TXNDC9: variants seen among roughly 807,000 people sequenced by gnomAD.
TXNDC9 encodes thioredoxin domain containing 9, also known as thioredoxin domain-containing protein 9.
TXNDC9 carries 7 observed loss-of-function variants against 23.0 expected under a neutral mutation model. The observed-to-expected ratio is 0.30, with a 90% CI of 0.17 to 0.57. The LOEUF (loss-of-function observed/expected upper bound fraction) is 0.57. TXNDC9 is among the 20% of genes least tolerant of loss of function. The pLI is 0.90. For synonymous variants in TXNDC9, 72 were observed against 90.6 expected, an observed-to-expected ratio of 0.79 and a Z score of 1.17; for missense variants, 198 against 252.6, an observed-to-expected ratio of 0.78 and a Z score of 1.47.
the TXNDC9 span, among the ~76,000 whole-genome samples, chr2:99,309,284 G>A: frequency 1.3e-5 from 2 of 151,892 alleles, no homozygotes; most frequent in African/African-American, 4.8e-5. Context: ...GAGGCAGGAG[G>A]ATCACCTGAG....
intron 2 of TXNDC9, among the ~76,000 whole-genome samples, chr2:99,331,764 C>G (rs1206386054): frequency 6.6e-6 from 1 of 152,146 alleles, no homozygotes; most frequent in Non-Finnish European, 1.5e-5. Context: ...GGGTCTTGCT[C>G]TATCATCCAG....
At chr2:99,327,975 G>A (rs901002090) in intron 2 of TXNDC9, among the ~76,000 whole-genome samples, 1 of 151,802 alleles carries the variant, frequency 6.6e-6, no homozygotes, top group African/African-American at 2.4e-5. Context: ...AGCAGAGATG[G>A]GTTTTCACCA....
At chr2:99,310,252 A>G in the TXNDC9 span, among the ~76,000 whole-genome samples, 1 of 152,216 alleles carries the variant, frequency 6.6e-6, no homozygotes, top group Non-Finnish European at 1.5e-5. Context: ...AATAGAATAT[A>G]TGATCTCTTT....
rs1295509032 is a variant in TXNDC9 at position 99,327,666 on chromosome 2, G to C, written c.190-13C>G. 3.9e-6 allele frequency: 6 copies of C among 1,543,720 alleles called. No individual in the cohort carries two copies. The Admixed American group carries it at 6.7e-5, about 17-fold the overall frequency. On this transcript the variant is annotated splice_polypyrimidine_tract_variant and intron_variant, in intron 2 of 4. Transcript: ENST00000264255. Reference sequence around the variant, plus strand: ...TAGAAAGCCATTCCTAATTTGGAGAGAGGCAAAACATTACACATGTGAGAT... The same window carrying C: ...TAGAAAGCCATTCCTAATTTGGAGACAGGCAAAACATTACACATGTGAGAT...
the TXNDC9 span, among the ~76,000 whole-genome samples, chr2:99,310,006 C>T: frequency 8.5e-4 from 130 of 152,158 alleles, 1 homozygote; most frequent in Middle Eastern, 3.4e-3. Context: ...ATTTCTGAGT[C>T]GGCTTTGTCG....
the TXNDC9 span, among the ~76,000 whole-genome samples, chr2:99,311,434 C>T: frequency 7.9e-5 from 12 of 152,154 alleles, no homozygotes; most frequent in East Asian, 5.8e-4. Flanking sequence ...ATTACAAGTG[C>T]GTGCCACCAT....
At chr2:99,330,290 C>CAAAAAAAAAAAAAAAAT (rs2094221756) in intron 2 of TXNDC9, among the ~76,000 whole-genome samples, 1 of 28,160 alleles carries the variant, frequency 3.6e-5, no homozygotes. Flanking sequence ...ACTCTTATCT[C>CAAAAAAAAAAAAAAAAT]AAAAAAAAAA....
chr2:99,310,747 C>A, the TXNDC9 span, among the ~76,000 whole-genome samples: 1 of 151,898 alleles, frequency 6.6e-6, no homozygotes, highest in African/African-American at 2.4e-5. Flanking sequence ...AGGGGCCAGG[C>A]GCTAGGGACT....
At chr2:99,328,736 G>C (rs2094218482) in intron 2 of TXNDC9, among the ~76,000 whole-genome samples, 1 of 152,180 alleles carries the variant, frequency 6.6e-6, no homozygotes, top group Admixed American at 6.5e-5. Context: ...AGCACCTTGG[G>C]AGGCTGAGGC....
downstream of TXNDC9, among the ~76,000 whole-genome samples, chr2:99,317,509 C>G (rs1483918988): frequency 6.6e-6 from 1 of 152,190 alleles, no homozygotes; most frequent in East Asian, 1.9e-4. Context: ...CCTCTAGCCC[C>G]AAGGACAGTG....
chr2:99,319,670 A>T lies in TXNDC9; in HGVS notation c.*12T>A, dbSNP rs776788827. The T allele has an allele frequency of 6.5e-7, 1 of 1,536,562 alleles. No homozygotes were observed. Among genetic ancestry groups the T allele is most frequent in the South Asian group, 1.2e-5 (1 of 83,048 alleles). On this transcript the variant is annotated 3_prime_UTR_variant, in exon 5 of 5. Coordinates refer to ENST00000264255, the MANE Select transcript of TXNDC9 (RefSeq NM_005783.4). ...AGAAAAAAAAAGACAATTTACAAAG[A>T]ATTATTGAGCTCTAATCATCATCAG...
At chr2:99,332,910 T>C in intron 2 of TXNDC9, 112 bp downstream of exon 2, 1 of 947,982 alleles carries the variant, frequency 1.1e-6, no homozygotes, top group South Asian at 1.7e-5. Context: ...TATTCTGAAT[T>C]TTAAAAACCC....
At chr2:99,317,932 C>T (rs1008577588), downstream of TXNDC9, among the ~76,000 whole-genome samples, 3 of 152,208 alleles carry the variant, frequency 2.0e-5, no homozygotes, top group African/African-American at 7.2e-5. Context: ...ACTCCGTCAC[C>T]CAGGCTGGGG....
chr2:99,328,620 T>C (rs1427497045), intron 2 of TXNDC9, among the ~76,000 whole-genome samples: 1 of 152,104 alleles, frequency 6.6e-6, no homozygotes, highest in East Asian at 1.9e-4. Flanking sequence ...ACTCTATCCA[T>C]GTACTCTTAA....
chr2:99,323,049 C>T (rs771756015), intron 3 of TXNDC9, among the ~76,000 whole-genome samples: 2 of 152,180 alleles, frequency 1.3e-5, no homozygotes, highest in Non-Finnish European at 1.5e-5. Flanking sequence ...GCGTGAGCCA[C>T]TGCACCCAGC....
chr2:99,334,978 T>C (rs1451742193), intron 1 of TXNDC9, among the ~76,000 whole-genome samples: 1 of 152,208 alleles, frequency 6.6e-6, no homozygotes, highest in Non-Finnish European at 1.5e-5. Context: ...CCTCCCAAAG[T>C]GCTGAGATTA....
At chr2:99,321,241 TG>T (rs2094201009) in intron 4 of TXNDC9, 1 of 152,134 alleles carries the variant, frequency 6.6e-6, no homozygotes, top group South Asian at 2.1e-4. Flanking sequence ...TTCTACTTCC[TG>T]AAAGGCACCA....
chr2:99,328,473 A>G (rs1205211663), intron 2 of TXNDC9, among the ~76,000 whole-genome samples: 1 of 152,158 alleles, frequency 6.6e-6, no homozygotes, highest in Non-Finnish European at 1.5e-5. Flanking sequence ...AAACTAGTCT[A>G]CGGACAGTGA....
chr2:99,335,635 G>A (rs982714421), intron 1 of TXNDC9, among the ~76,000 whole-genome samples: 1 of 152,190 alleles, frequency 6.6e-6, no homozygotes, highest in Admixed American at 6.5e-5. Context: ...GGAAGGAGAA[G>A]ATAATAAGAT....
Sources: gnomAD v4.1 joint callset for allele counts (sites outside exome capture counted in the v4.1 genomes callset) on GRCh38, gnomAD v4.1.1 for gene constraint, MANE v1.5 for transcripts, NCBI Gene and HGNC (gene_info 2026-07-23, HGNC 2026-07-21) for gene names.